RHBDL3: variants seen among roughly 807,000 people sequenced by gnomAD.
RHBDL3 encodes the protein rhomboid like 3.
In RHBDL3, 28 loss-of-function variants were observed where a neutral mutation model predicts 48.2. The observed-to-expected ratio is 0.58, with a 90% CI of 0.43 to 0.80. The LOEUF (loss-of-function observed/expected upper bound fraction) is 0.80, where lower values mean the gene tolerates loss of function less well. Among genes scored for constraint, RHBDL3 ranks in the 30% least tolerant of loss-of-function variants. RHBDL3 has a pLI of 0.00. For missense variants in RHBDL3, 464 were observed against 542.7 expected, an observed-to-expected ratio of 0.85 and a Z score of 1.44; for synonymous variants, 208 against 232.3, an observed-to-expected ratio of 0.90 and a Z score of 0.95.
chr17:32,267,113 C>G (rs2039651145), intron 1 of RHBDL3, among the ~76,000 whole-genome samples: 1 of 152,198 alleles, frequency 6.6e-6, no homozygotes, highest in Non-Finnish European at 1.5e-5. Flanking sequence ...CCACTCCTCC[C>G]TCAGGGTGGG....
At chr17:32,313,249 G>A (rs1028065299) in intron 7 of RHBDL3, among the ~76,000 whole-genome samples, 2 of 152,108 alleles carry the variant, frequency 1.3e-5, no homozygotes, top group African/African-American at 4.8e-5. Context: ...CTAGCTACCT[G>A]GGAAGCTGGG....
intron 3 of RHBDL3, among the ~76,000 whole-genome samples, chr17:32,287,822 C>T (rs1337256213): frequency 1.3e-5 from 2 of 152,204 alleles, no homozygotes; most frequent in Non-Finnish European, 2.9e-5. Flanking sequence ...TAGGACTTCT[C>T]CCCGTAAGAA....
At chr17:32,266,738 C>T (rs1043050585) in intron 1 of RHBDL3, among the ~76,000 whole-genome samples, 2 of 152,202 alleles carry the variant, frequency 1.3e-5, no homozygotes, top group African/African-American at 2.4e-5. Flanking sequence ...GCCTGGCGAC[C>T]CCTTCCTCCG....
chr17:32,294,536 T>C, intron 5 of RHBDL3, 94 bp downstream of exon 5: 1 of 1,252,272 alleles, frequency 8.0e-7, no homozygotes, highest in South Asian at 1.7e-5. Context: ...TTAGTTTATT[T>C]TTATCTATTT....
At chr17:32,289,132 G>GCCCTTC in intron 4 of RHBDL3, 116 bp downstream of exon 4, 1 of 776,876 alleles carries the variant, frequency 1.3e-6, no homozygotes, top group Non-Finnish European at 2.2e-6. Flanking sequence ...CTTTTCCATT[G>GCCCTTC]AAGGGCAATG....
At chr17:32,305,243 G>C in intron 6 of RHBDL3, 98 bp from the exon 7 acceptor site, 1 of 798,688 alleles carries the variant, frequency 1.3e-6, no homozygotes, top group Non-Finnish European at 2.2e-6. Flanking sequence ...TCTTGCTCTG[G>C]AGTCTTAGCA....
chr17:32,313,118 A>G (rs978749617), intron 7 of RHBDL3, among the ~76,000 whole-genome samples: 4 of 151,732 alleles, frequency 2.6e-5, no homozygotes, highest in Non-Finnish European at 5.9e-5. Flanking sequence ...GCACTTTGGG[A>G]GGCCGAGGCT....
At chr17:32,267,633 C>T in intron 1 of RHBDL3, 1 of 426,778 alleles carries the variant, frequency 2.3e-6, no homozygotes, top group Non-Finnish European at 3.1e-6. Context: ...CTGCCAGTTC[C>T]AGAACCAGCA....
At chr17:32,291,829 TG>T (rs1411707790) in intron 4 of RHBDL3, among the ~76,000 whole-genome samples, 8 of 147,946 alleles carry the variant, frequency 5.4e-5, no homozygotes, top group African/African-American at 2.0e-4. Flanking sequence ...TGGAATGCCG[TG>T]GCGCAATCTT....
At chr17:32,272,531 C>T (rs2039795832) in intron 2 of RHBDL3, among the ~76,000 whole-genome samples, 1 of 152,182 alleles carries the variant, frequency 6.6e-6, no homozygotes, top group South Asian at 2.1e-4. Context: ...AACAAAGCCA[C>T]GGGCTTAACT....
chr17:32,288,907 G>T lies in RHBDL3; in HGVS notation c.410G>T (p.Arg137Leu), dbSNP rs769560297. Reference protein sequence around the residue: ...KGLSLSQRLIRHVAYETLPRE... With the variant: ...KGLSLSQRLILHVAYETLPRE... ...CTGAGCCTCTCGCAGCGACTTATCC[G>T]CCATGTGGCCTATGAGACCCTGCCC... Residue 137 changes from arginine (R) to leucine (L), a missense_variant, in exon 4 of 9, where the codon CGC becomes CTC. By Grantham distance (102) the Arg-to-Leu change is moderately radical. Transcript: ENST00000269051. 2.5e-6 allele frequency: 4 copies of T among 1,614,196 alleles called. No individual in the cohort carries two copies. Among genetic ancestry groups the T allele is most frequent in the Admixed American group, 3.3e-5 (2 of 60,028 alleles).
intron 8 of RHBDL3, among the ~76,000 whole-genome samples, chr17:32,318,946 G>A: frequency 6.6e-6 from 1 of 152,036 alleles, no homozygotes; most frequent in East Asian, 1.9e-4. Context: ...TCCTGGATGG[G>A]GCTGGAGAAT....
intron 2 of RHBDL3, among the ~76,000 whole-genome samples, chr17:32,276,656 C>G (rs901566086): frequency 1.3e-5 from 2 of 152,134 alleles, no homozygotes; most frequent in Admixed American, 1.3e-4. Context: ...TACTCCAGCC[C>G]TAGCACCGGA....
At chr17:32,305,742 C>T (rs1338220216) in intron 7 of RHBDL3, among the ~76,000 whole-genome samples, 1 of 152,074 alleles carries the variant, frequency 6.6e-6, no homozygotes, top group Non-Finnish European at 1.5e-5. Flanking sequence ...CGCGGTGAAA[C>T]CCCATCTCTA....
chr17:32,271,423 C>G (rs564056175), intron 2 of RHBDL3, among the ~76,000 whole-genome samples: 28 of 152,212 alleles, frequency 1.8e-4, no homozygotes, highest in African/African-American at 6.0e-4. Flanking sequence ...TACATCTGTT[C>G]CATAGGTTTC....
Position 32,323,316 on chromosome 17 carries a change from G to A in RHBDL3, c.*2087G>A, listed in dbSNP as rs1456084246. 1 of 152,300 alleles carries A rather than the reference G, an allele frequency of 6.6e-6. No homozygotes were observed. Among genetic ancestry groups the A allele is most frequent in the Non-Finnish European group, 1.5e-5 (1 of 68,106 alleles). The allele number at this position is 152,300 out of a possible 1,614,324, so 9.4% of individuals were successfully genotyped here. On this transcript the variant is annotated 3_prime_UTR_variant, in exon 9 of 9. Transcript: ENST00000269051. ...GCCCTAGTGATAGAAAGATGTAGAT[G>A]GAAGTCAGTGCCTCAGAGGAGGAGG...
chr17:32,302,024 G>C (rs1184813518), intron 6 of RHBDL3, among the ~76,000 whole-genome samples: 1 of 152,196 alleles, frequency 6.6e-6, no homozygotes, highest in Admixed American at 6.5e-5. Context: ...TCAGAATTTT[G>C]GGGTGCAGGA....
chr17:32,305,908 A>AT (rs1480537140), intron 7 of RHBDL3, among the ~76,000 whole-genome samples: 2 of 125,344 alleles, frequency 1.6e-5, no homozygotes. Context: ...AGAGAGTGAG[A>AT]TTCTTTCTCA....
Position 32,265,960 on chromosome 17 carries a change from T to C in RHBDL3, c.-230T>C, listed in dbSNP as rs1247207196. 6.9e-6 allele frequency among the ~76,000 whole-genome samples: 1 copy of C among 144,652 alleles called. No homozygotes were observed. Among genetic ancestry groups the C allele is most frequent in the Admixed American group, 6.8e-5 (1 of 14,696 alleles). 94.9% of individuals were successfully genotyped at this position (144,652 alleles called of 152,430 possible). On this transcript the variant is annotated 5_prime_UTR_variant, in exon 1 of 9. Coordinates refer to ENST00000269051, the MANE Select transcript of RHBDL3 (RefSeq NM_138328.3). ...CGGAGGCGGAGGCCGGCGGGGCAGC[T>C]AGCGCAGTGAAGTTTGGCGGCGGAG...
Sources: gnomAD v4.1 joint callset for allele counts (sites outside exome capture counted in the v4.1 genomes callset) on GRCh38, gnomAD v4.1.1 for gene constraint, MANE v1.5 for transcripts, NCBI Gene and HGNC (gene_info 2026-07-23, HGNC 2026-07-21) for gene names.